ROBO2: variants seen among roughly 807,000 people sequenced by gnomAD.
ROBO2 encodes roundabout guidance receptor 2.
A neutral mutation model predicts 160.8 loss-of-function variants in ROBO2; 53 were observed. The observed-to-expected ratio is 0.33, with a 90% confidence interval of 0.26 to 0.41. The LOEUF (loss-of-function observed/expected upper bound fraction) is 0.41, where lower values mean the gene tolerates loss of function less well. Among genes scored for constraint, ROBO2 ranks in the 10% least tolerant of loss-of-function variants. The probability of loss-of-function intolerance (pLI) is 1.00; values close to 1 mark genes in which losing one functional copy is unlikely to be tolerated. For synonymous variants in ROBO2, 664 were observed against 611.7 expected, an observed-to-expected ratio of 1.09 and a Z score of -1.26; for missense variants, 1,577 against 1,722.4, an observed-to-expected ratio of 0.92 and a Z score of 1.49.
At chr3:77,230,107 T>G (rs80337853) in intron 2 of ROBO2, among the ~76,000 whole-genome samples, 1 of 152,056 alleles carries the variant, frequency 6.6e-6, no homozygotes, top group Non-Finnish European at 1.5e-5. Flanking sequence ...TTTTTTTTTT[T>G]GAGACAGAAT....
At chr3:76,963,836 C>CAAAAAAAAAAAA (rs11407644) in intron 2 of ROBO2, among the ~76,000 whole-genome samples, 1 of 106,232 alleles carries the variant, frequency 9.4e-6, no homozygotes, top group African/African-American at 3.3e-5. Context: ...TGAGGAACTG[C>CAAAAAAAAAAAA]AAAAAAAAAA....
intron 1 of ROBO2, among the ~76,000 whole-genome samples, chr3:75,933,077 C>T (rs1390944435): frequency 3.9e-5 from 6 of 152,104 alleles, no homozygotes; most frequent in Non-Finnish European, 7.4e-5. Context: ...AAAAAGACTC[C>T]TTTTAATAGT....
intron 2 of ROBO2, among the ~76,000 whole-genome samples, chr3:76,670,654 A>G (rs1251849826): frequency 6.6e-6 from 1 of 152,024 alleles, no homozygotes; most frequent in Non-Finnish European, 1.5e-5. Context: ...CCATTGTACA[A>G]CTAGAGCCTT....
chr3:76,191,731 T>TA (rs1702014118), intron 2 of ROBO2, among the ~76,000 whole-genome samples: 5 of 151,870 alleles, frequency 3.3e-5, no homozygotes, highest in African/African-American at 1.2e-4. Flanking sequence ...TTGATTTTTT[T>TA]TAAAAAAGAA....
At chr3:76,433,228 T>C (rs2076519839) in intron 2 of ROBO2, among the ~76,000 whole-genome samples, 1 of 152,198 alleles carries the variant, frequency 6.6e-6, no homozygotes, top group South Asian at 2.1e-4. Context: ...GTATGGTACT[T>C]ACACGCTATT....
At chr3:76,503,939 G>T (rs1007258845) in intron 2 of ROBO2, among the ~76,000 whole-genome samples, 1 of 152,154 alleles carries the variant, frequency 6.6e-6, no homozygotes, top group Admixed American at 6.5e-5. Flanking sequence ...TTTTCTTTCT[G>T]CATTCAAATG....
chr3:76,280,638 T>A (rs1040477326), intron 2 of ROBO2, among the ~76,000 whole-genome samples: 2 of 152,038 alleles, frequency 1.3e-5, no homozygotes, highest in East Asian at 1.9e-4. Flanking sequence ...CCTTCTCTAA[T>A]CTCTCCTTAA....
At chr3:77,301,401 T>C (rs887401145) in intron 2 of ROBO2, among the ~76,000 whole-genome samples, 2 of 152,070 alleles carry the variant, frequency 1.3e-5, no homozygotes, top group African/African-American at 4.8e-5. Context: ...TATGAAACAA[T>C]GTACAGTGGA....
intron 2 of ROBO2, among the ~76,000 whole-genome samples, chr3:76,518,242 T>G (rs1022701926): frequency 1.3e-5 from 2 of 152,138 alleles, no homozygotes; most frequent in African/African-American, 4.8e-5. Flanking sequence ...CCAGGCACTT[T>G]CTGTATTTTG....
chr3:76,863,498 T>C (rs2071039442), intron 2 of ROBO2, among the ~76,000 whole-genome samples: 2 of 151,848 alleles, frequency 1.3e-5, no homozygotes, highest in Non-Finnish European at 2.9e-5. Context: ...CCAAATCATT[T>C]GAGTTATCTA....
intron 1 of ROBO2, among the ~76,000 whole-genome samples, chr3:77,081,773 G>C (rs911789593): frequency 2.0e-5 from 3 of 152,184 alleles, no homozygotes; most frequent in Admixed American, 6.5e-5. Flanking sequence ...GCTATAAATG[G>C]AGATGTAGAC....
chr3:77,076,520 G>C (rs1215697792), intron 1 of ROBO2, among the ~76,000 whole-genome samples: 3 of 151,590 alleles, frequency 2.0e-5, no homozygotes, highest in Non-Finnish European at 4.4e-5. Context: ...TTTTTTTTCT[G>C]TTATTCTCAT....
chr3:76,574,103 G>A (rs552240348), intron 2 of ROBO2, among the ~76,000 whole-genome samples: 28 of 152,056 alleles, frequency 1.8e-4, no homozygotes, highest in Middle Eastern at 6.8e-3. Flanking sequence ...ATTATTTTCC[G>A]TCCTGTGCTT....
intron 2 of ROBO2, among the ~76,000 whole-genome samples, chr3:75,942,853 G>A (rs541509852): frequency 1.3e-5 from 2 of 152,202 alleles, no homozygotes; most frequent in Admixed American, 1.3e-4. Context: ...TATCTGTGTA[G>A]ATTAATCATG....
At chr3:77,514,862 G>C (rs1194602636) in intron 5 of ROBO2, among the ~76,000 whole-genome samples, 1 of 151,662 alleles carries the variant, frequency 6.6e-6, no homozygotes, top group Non-Finnish European at 1.5e-5. Flanking sequence ...GAAAATACTT[G>C]AAACCTATTA....
At chr3:77,633,303 G>A (rs2095204626) in intron 23 of ROBO2, 1 of 152,088 alleles carries the variant, frequency 6.6e-6, no homozygotes, top group African/African-American at 2.4e-5. Flanking sequence ...TTTGATTTCT[G>A]AGAGTGATAA....
At chr3:76,237,431 C>T (rs1447245568) in intron 2 of ROBO2, among the ~76,000 whole-genome samples, 2 of 152,058 alleles carry the variant, frequency 1.3e-5, no homozygotes, top group South Asian at 4.1e-4. Context: ...ATCTTAGGAT[C>T]CCTCCCTTTG....
At position 76,878,259 on chromosome 3, in the gene ROBO2, A is replaced by C. The variant is rs545409029; in HGVS notation, c.110-219755A>C. ...GTTTTACCTCTGGCTGATAATTGTT[A>C]ATGTATTTTTAATACTTTGTGTATC... On this transcript the variant is annotated intron_variant, in intron 2 of 26. Transcript: ENST00000487694. Among the ~76,000 whole-genome samples, 14 of 152,328 alleles carry C rather than the reference A, an allele frequency of 9.2e-5. No individual in the cohort carries two copies. In the South Asian group the frequency reaches 2.7e-3, roughly 29 times the overall value.
At chr3:77,251,511 A>G (rs1180224397) in intron 2 of ROBO2, among the ~76,000 whole-genome samples, 1 of 152,114 alleles carries the variant, frequency 6.6e-6, no homozygotes, top group Non-Finnish European at 1.5e-5. Context: ...AGATACGGTC[A>G]TTATCTCTTT....
Sources: allele counts gnomAD v4.1 joint callset (sites outside exome capture counted in the v4.1 genomes callset), GRCh38; gene constraint gnomAD v4.1.1; transcripts MANE v1.5; gene names NCBI Gene and HGNC (gene_info 2026-07-23, HGNC 2026-07-21).